The following LRRN4 variants were observed in gnomAD, a reference collection of about 807,000 sequenced individuals.
LRRN4 encodes the protein leucine rich repeat neuronal 4, also known as leucine-rich repeat neuronal protein 4.
Under a neutral mutation model 22.3 loss-of-function variants are expected in LRRN4, and 26 were observed. That is an observed-to-expected ratio of 1.16 (90% CI 0.85 to 1.62). LRRN4 has a LOEUF of 1.62. LRRN4 is among the 40% of genes most tolerant of loss of function. The probability of loss-of-function intolerance (pLI) is 0.00; values close to 1 mark genes in which losing one functional copy is unlikely to be tolerated. For synonymous variants in LRRN4, 496 were observed against 486.2 expected, an observed-to-expected ratio of 1.02 and a Z score of -0.26; for missense variants, 1,070 against 1,008.5, an observed-to-expected ratio of 1.06 and a Z score of -0.83.
chr20:6,041,771 G>T lies in LRRN4; in HGVS notation c.1474C>A (p.Arg492Ser), dbSNP rs1242886001. 1.2e-6 allele frequency: 2 copies of T among 1,614,098 alleles called. No individual in the cohort carries two copies. Among genetic ancestry groups the T allele is most frequent in the Admixed American group, 1.7e-5 (1 of 60,024 alleles). Residue 492 changes from arginine to serine, a missense_variant, in exon 5 of 5, where the codon CGC (arginine) becomes AGC (serine). Transcript: ENST00000378858. This position sits in a 1 kb window ranked among gnomAD's most constrained non-coding sequence, Gnocchi z 9.4. The stretch of plus-strand genomic sequence containing the variant: ...CCGGGCTGAGGCGAGCTTATGCTGC[G>T]GTCCCACGAGGTAGGGAAGGGGCCC... ...LLGPFPTSWD[R>S]SISSPQPGQR...
intron 2 of LRRN4, 109 bp downstream of exon 2, chr20:6,052,036 G>T: frequency 7.4e-7 from 1 of 1,348,564 alleles, no homozygotes; most frequent in Non-Finnish European, 9.9e-7. Flanking sequence ...CCTACGAGCT[G>T]GGCACCCGGG....
In LRRN4 at chr20:6,040,558, G is replaced by T. The variant is rs1202651452; in HGVS notation, c.*464C>A. 6.6e-6 allele frequency among the ~76,000 whole-genome samples: 1 copy of T among 152,220 alleles called. No homozygotes were observed. On this transcript the variant is annotated 3_prime_UTR_variant, in exon 5 of 5. Transcript: ENST00000378858. ...TTGGAACTGGAAATCCACTGGAATTGATTTCTTGAATAACAGAGCTCGTTG... is the reference window on the plus strand; with the variant it reads ...TTGGAACTGGAAATCCACTGGAATTTATTTCTTGAATAACAGAGCTCGTTG...
At position 6,052,384 on chromosome 20, in the gene LRRN4, G is replaced by A. The variant is rs748677451; in HGVS notation, c.416C>T (p.Pro139Leu). ...LSYNQLAALP[P>L]CTGPALSSLR... ...GCTGCTCAGCGCGGGCCCGGTGCAC[G>A]GCGGCAGAGCGGCCAGCTGGTTGTA... The change falls in exon 2 of 5, where the codon CCG becomes CTG. Residue 139 changes from proline to leucine, a missense_variant. Transcript: ENST00000378858. 1.0e-5 allele frequency: 16 copies of A among 1,525,272 alleles called. No individual in the cohort carries two copies. The highest frequency in any genetic ancestry group is 4.4e-4 in the Middle Eastern group (2 of 4,532). 94.5% of individuals were successfully genotyped at this position (1,525,272 alleles called of 1,614,324 possible).
rs778598801 is a variant in LRRN4, at chr20:6,050,794, A to T, written c.845T>A (p.Val282Asp). The T allele has an allele frequency of 6.2e-7, 1 of 1,613,684 alleles. No homozygotes were observed. The highest frequency in any genetic ancestry group is 1.7e-5 in the Admixed American group (1 of 59,792). The change falls in exon 3 of 5, where the codon GTC (valine) becomes GAC (aspartate). Residue 282 changes from valine to aspartate, a missense_variant. Transcript: ENST00000378858. ...HIFQDTPHLQ[V>D]LLFQNCNLSS... ...AAGCACTTACTTCTGGAACAGAAGG[A>T]CCTGTAGATGTGGAGTATCTTGAAA... is the stretch of plus-strand genomic sequence containing the variant.
At chr20:6,045,504 G>A (rs567825078) in intron 3 of LRRN4, among the ~76,000 whole-genome samples, 1 of 148,648 alleles carries the variant, frequency 6.7e-6, no homozygotes, top group African/African-American at 2.4e-5. Context: ...AATGCATGAT[G>A]ATAAAAGTGT....
In LRRN4 at chr20:6,040,960, T is replaced by C. The variant is rs1025268311; in HGVS notation, c.*62A>G. The C allele has an allele frequency of 1.3e-6, 2 of 1,584,950 alleles. No individual in the cohort carries two copies. Among genetic ancestry groups the C allele is most frequent in the African/African-American group, 1.4e-5 (1 of 74,048 alleles). ...GAGCGGATGGGGTCGTTTTTGACCG[T>C]CTGTGTCTTCCTTTTTGCGCTCAGA... On this transcript the variant is annotated 3_prime_UTR_variant, in exon 5 of 5. Transcript: ENST00000378858.
At chr20:6,042,713 G>A (rs1360515531) in intron 4 of LRRN4, among the ~76,000 whole-genome samples, 1 of 152,066 alleles carries the variant, frequency 6.6e-6, no homozygotes, top group East Asian at 1.9e-4. Context: ...AAGGTCAGGA[G>A]GTCAAGACCA....
In LRRN4 at chr20:6,041,258, G is replaced by C. The variant is rs1486620716; in HGVS notation, c.1987C>G (p.Arg663Gly). 6.3e-7 allele frequency: 1 copy of C among 1,585,390 alleles called. No homozygotes were observed. Among genetic ancestry groups the C allele is most frequent in the Non-Finnish European group, 8.6e-7 (1 of 1,166,922 alleles). Residue 663 changes from arginine to glycine, a missense_variant, in exon 5 of 5, where the codon CGG becomes GGG. By Grantham distance (125) the Arg-to-Gly change is moderately radical. Transcript: ENST00000378858. This position sits in a 1 kb window ranked among gnomAD's most constrained non-coding sequence, Gnocchi z 9.4. The stretch of plus-strand genomic sequence containing the variant: ...CACGGGCTCCTCCAGCCCGAAGACC[G>C]TGGCTGGCTCAAGCCCGCCCTGTTG... Reference protein sequence around the residue: ...AANRAGLSQPRSSGWRSPCAA... With the variant: ...AANRAGLSQPGSSGWRSPCAA...
Position 6,045,167 on chromosome 20 carries a change from G to A in LRRN4, c.861-487C>T, listed in dbSNP as rs1262745407. Among the ~76,000 whole-genome samples the A allele has an allele frequency of 2.7e-5, 4 of 148,690 alleles. 1 individual carries two copies. Among genetic ancestry groups the A allele is most frequent in the Non-Finnish European group, 4.5e-5 (3 of 66,484 alleles). The stretch of plus-strand genomic sequence containing the variant: ...AAAAGAATGTGTGTTGGCTGGGCAC[G>A]GTGGCTCATACCTGTAATCCCAGCA... On this transcript the variant is annotated intron_variant, in intron 3 of 4. Transcript: ENST00000378858.
At position 6,052,689 on chromosome 20, in the gene LRRN4, C is replaced by A. The variant is rs746200352; in HGVS notation, c.111G>T (p.Gly37=). 12 of 1,572,086 alleles carry A rather than the reference C, an allele frequency of 7.6e-6. No homozygotes were observed. The Middle Eastern group carries it at 8.3e-4, about 109-fold the overall frequency. ...AGTCGGTGGCGTTGCTGCCACTGCT[C>A]CCCCAGGGGCCCTGCTGAGTGACCC... is the stretch of plus-strand genomic sequence containing the variant. The part of the protein sequence containing the change: ...LFRVTQQGPW[G]SSGSNATDSP... Residue 37 remains glycine (G), a synonymous_variant, in exon 2 of 5, where the codon GGG becomes GGT. Transcript: ENST00000378858.
chr20:6,052,588 C>T lies in LRRN4; in HGVS notation c.212G>A (p.Gly71Asp), dbSNP rs1224329873. ...LANRNLERLPGCLPRTLRSLD... is the reference protein window; with the variant it reads ...LANRNLERLPDCLPRTLRSLD... ...GCTGCGCAGTGTGCGCGGTAGGCAG[C>T]CGGGCAGGCGCTCCAGGTTGCGGTT... The change falls in exon 2 of 5, where the codon GGC (glycine) becomes GAC (aspartate). Residue 71 changes from glycine (G) to aspartate (D), a missense_variant. Gly to Asp is a moderately conservative substitution (Grantham distance 94, BLOSUM62 -1). Coordinates refer to ENST00000378858, the MANE Select transcript of LRRN4 (RefSeq NM_152611.5). 3.2e-6 allele frequency: 5 copies of T among 1,583,744 alleles called. No homozygotes were observed. The highest frequency in any genetic ancestry group is 2.3e-5 in the East Asian group (1 of 44,048).
chr20:6,040,908 T>C lies in LRRN4; in HGVS notation c.*114A>G. 7.0e-7 allele frequency: 1 copy of C among 1,434,122 alleles called. No individual in the cohort carries two copies. Among genetic ancestry groups the C allele is most frequent in the East Asian group, 2.3e-5 (1 of 43,328 alleles). The allele number at this position is 1,434,122 out of a possible 1,614,324, so 88.8% of individuals were successfully genotyped here. ...AGTTCCATGTGTGCTCAAGGCATTC[T>C]GGCTTCACGGGAATTAGAAACCCTA... On this transcript the variant is annotated 3_prime_UTR_variant, in exon 5 of 5. Coordinates refer to ENST00000378858, the MANE Select transcript of LRRN4 (RefSeq NM_152611.5).
Position 6,053,935 on chromosome 20 carries a change from A to C in LRRN4, c.-111T>G, listed in dbSNP as rs1285815249. ...CACTGATTTGGACAGCAACTCAGCT[A>C]TGAACTCCAGAGGGAGGCCTGTCTC... On this transcript the variant is annotated 5_prime_UTR_variant, in exon 1 of 5. The change abolishes the stop of an existing upstream ORF in the 5' untranslated region. Coordinates refer to ENST00000378858, the MANE Select transcript of LRRN4 (RefSeq NM_152611.5). The C allele has an allele frequency of 6.6e-6, 1 of 152,266 alleles. No homozygotes were observed. The highest frequency in any genetic ancestry group is 6.5e-5 in the Admixed American group (1 of 15,282). The allele number at this position is 152,266 out of a possible 1,614,324, so 9.4% of individuals were successfully genotyped here.
In LRRN4 at chr20:6,052,468, A is replaced by T. The variant is rs1391896722; in HGVS notation, c.332T>A (p.Ile111Asn). The change falls in exon 2 of 5, where the codon ATC becomes AAC. Residue 111 changes from isoleucine (I) to asparagine (N), a missense_variant. Physicochemically the swap from Ile to Asn is moderately radical, Grantham distance 149. Coordinates refer to ENST00000378858, the MANE Select transcript of LRRN4 (RefSeq NM_152611.5). The stretch of plus-strand genomic sequence containing the variant: ...ACCCGGGCCCCAGCGCAGCGCGGCG[A>T]TGCGGTTGTGGCGCAGGGTCAGCAC... ...LQVLTLRHNR[I>N]AALRWGPGGP... is the part of the protein sequence containing the mutation. The T allele has an allele frequency of 8.9e-6, 14 of 1,565,420 alleles. No individual in the cohort carries two copies. The highest frequency in any genetic ancestry group is 1.2e-5 in the Non-Finnish European group (14 of 1,164,730).
intron 1 of LRRN4, 43 bp from the exon 2 acceptor site, chr20:6,052,847 C>T (rs1218902998): frequency 6.6e-7 from 1 of 1,504,248 alleles, no homozygotes; most frequent in South Asian, 1.2e-5. Flanking sequence ...CCACAGGAAC[C>T]CCCGCACAAA....
At position 6,040,710 on chromosome 20, in the gene LRRN4, C is replaced by T; in HGVS notation, c.*312G>A. 2 of 395,644 alleles carry T rather than the reference C, an allele frequency of 5.1e-6. No homozygotes were observed. Among genetic ancestry groups the T allele is most frequent in the South Asian group, 5.4e-5 (2 of 37,370 alleles). 24.5% of individuals were successfully genotyped at this position (395,644 alleles called of 1,614,324 possible). On this transcript the variant is annotated 3_prime_UTR_variant, in exon 5 of 5. Coordinates refer to ENST00000378858, the MANE Select transcript of LRRN4 (RefSeq NM_152611.5). The stretch of plus-strand genomic sequence containing the variant: ...TCCCTTCCTACGTCCATACACTATT[C>T]TACTGGATAGAGAGGCACTGACTGC...
At position 6,047,934 on chromosome 20, in the gene LRRN4, C is replaced by T. The variant is rs75652042; in HGVS notation, c.860+2845G>A. ...AGAAGGCAGTAAGGAAGATGGGAGA[C>T]GAAGAGGACTTGATCTAGAGTTGCC... On this transcript the variant is annotated intron_variant, in intron 3 of 4. Transcript: ENST00000378858. Among the ~76,000 whole-genome samples the T allele has an allele frequency of 9.1e-3, 1,389 of 151,980 alleles. 19 individuals are homozygous for T. The highest frequency in any genetic ancestry group is 0.032 in the African/African-American group (1,326 of 41,434).
At chr20:6,049,482 C>T (rs180915833) in intron 3 of LRRN4, among the ~76,000 whole-genome samples, 4 of 152,162 alleles carry the variant, frequency 2.6e-5, no homozygotes, top group Admixed American at 2.6e-4. Context: ...TGTCAGTGTT[C>T]TCACCACCAC....
chr20:6,043,844 G>A (rs1981035576), intron 4 of LRRN4, among the ~76,000 whole-genome samples: 1 of 151,958 alleles, frequency 6.6e-6, no homozygotes. Context: ...GGAGGTTGAG[G>A]CTGTAATGAG....
Sources: allele counts gnomAD v4.1 joint callset (sites outside exome capture counted in the v4.1 genomes callset), GRCh38; gene constraint gnomAD v4.1.1; non-coding constraint Gnocchi (gnomAD v3.1); transcripts MANE v1.5; gene names NCBI Gene and HGNC (gene_info 2026-07-23, HGNC 2026-07-21).